ZER1: variants seen among roughly 807,000 people sequenced by gnomAD.
The protein encoded by ZER1 is zyg-11 related cell cycle regulator.
In ZER1, 11 loss-of-function variants were observed where a neutral mutation model predicts 78.8. That is an observed-to-expected ratio of 0.14 (90% confidence interval 0.09 to 0.23). The LOEUF (loss-of-function observed/expected upper bound fraction) is 0.23. Among genes scored for constraint, ZER1 ranks in the 10% least tolerant of loss-of-function variants. The probability of loss-of-function intolerance (pLI) is 1.00; values close to 1 mark genes in which losing one functional copy is unlikely to be tolerated. For synonymous variants in ZER1, 400 were observed against 407.0 expected, an observed-to-expected ratio of 0.98 and a Z score of 0.21; for missense variants, 588 against 996.9, an observed-to-expected ratio of 0.59 and a Z score of 5.52.
Position 128,752,863 on chromosome 9 carries a change from T to G in ZER1, c.747-14A>C, listed in dbSNP as rs1863725150. 9 of 1,610,846 alleles carry G rather than the reference T, an allele frequency of 5.6e-6. No homozygotes were observed. Among genetic ancestry groups the G allele is most frequent in the Non-Finnish European group, 7.6e-6 (9 of 1,178,290 alleles). ...ATGTCCAGGTGTCTGAAGATTGGGG[T>G]AGGGGGTGCAGGTTAGGAGCTGGGT... On this transcript the variant is annotated splice_polypyrimidine_tract_variant and intron_variant, in intron 4 of 15. Coordinates refer to ENST00000291900, the MANE Select transcript of ZER1 (RefSeq NM_006336.4).
intron 1 of ZER1, among the ~76,000 whole-genome samples, chr9:128,760,225 C>T (rs749978885): frequency 4.0e-5 from 6 of 151,566 alleles, no homozygotes; most frequent in Non-Finnish European, 5.9e-5. Flanking sequence ...TTTTTTGAGA[C>T]GGAGTCTTGT....
At chr9:128,765,177 G>A (rs971382475) in intron 1 of ZER1, among the ~76,000 whole-genome samples, 3 of 151,982 alleles carry the variant, frequency 2.0e-5, no homozygotes, top group Non-Finnish European at 4.4e-5. Flanking sequence ...GACAGAAGCT[G>A]TATGCTTGCT....
At chr9:128,734,479 G>A (rs1392186627) in intron 14 of ZER1, among the ~76,000 whole-genome samples, 1 of 151,478 alleles carries the variant, frequency 6.6e-6, no homozygotes, top group Admixed American at 6.6e-5. Flanking sequence ...TTACAGGCAT[G>A]AGCCACTGCA....
chr9:128,769,828 C>T (rs1221440831), intron 1 of ZER1, among the ~76,000 whole-genome samples: 2 of 152,156 alleles, frequency 1.3e-5, no homozygotes, highest in Non-Finnish European at 2.9e-5. Flanking sequence ...GACCATGATT[C>T]TTTGTATTTG....
At chr9:128,760,445 G>T (rs566926932) in intron 1 of ZER1, among the ~76,000 whole-genome samples, 1 of 151,036 alleles carries the variant, frequency 6.6e-6, no homozygotes, top group African/African-American at 2.4e-5. Context: ...CTTGTGATCC[G>T]CCTGCCTCGG....
chr9:128,740,125 A>G lies in ZER1; in HGVS notation c.1854-6T>C. ...CCTTGCTCTCCAACAGGTTGCTGCC[A>G]GGAGAAAGACAGAAAAATGGAGTCC... is the stretch of plus-strand genomic sequence containing the variant. On this transcript the variant is annotated splice_polypyrimidine_tract_variant and splice_region_variant and intron_variant, in intron 12 of 15. Transcript: ENST00000291900. This position sits in a 1 kb window ranked among gnomAD's most constrained non-coding sequence, Gnocchi z 4.4. 6.3e-7 allele frequency: 1 copy of G among 1,587,426 alleles called. No individual in the cohort carries two copies. The highest frequency in any genetic ancestry group is 8.6e-7 in the Non-Finnish European group (1 of 1,159,946).
At chr9:128,749,753 T>C (rs774803392) in intron 8 of ZER1, among the ~76,000 whole-genome samples, 2 of 143,416 alleles carry the variant, frequency 1.4e-5, no homozygotes, top group Non-Finnish European at 3.0e-5. Flanking sequence ...AAAAAAAAAT[T>C]TGTTGGCTGG....
intron 1 of ZER1, among the ~76,000 whole-genome samples, chr9:128,761,112 C>G (rs10988113): frequency 7.3e-6 from 1 of 136,726 alleles, no homozygotes; most frequent in Non-Finnish European, 1.6e-5. Flanking sequence ...GAGCCGAGAT[C>G]GCGCCACTGC....
At chr9:128,735,303 G>T in intron 14 of ZER1, 31 bp downstream of exon 14, 2 of 1,588,256 alleles carry the variant, frequency 1.3e-6, no homozygotes, top group Non-Finnish European at 1.7e-6. Flanking sequence ...AGCTGGATGA[G>T]TGTCTGAACC....
intron 13 of ZER1, 124 bp downstream of exon 13, chr9:128,739,807 G>T: frequency 8.1e-7 from 1 of 1,237,166 alleles, no homozygotes; most frequent in Non-Finnish European, 1.1e-6. Flanking sequence ...ATGAGTGAAA[G>T]CAGAACCCTA....
intron 1 of ZER1, among the ~76,000 whole-genome samples, chr9:128,764,201 C>A (rs1293994959): frequency 1.3e-5 from 2 of 152,092 alleles, no homozygotes; most frequent in Non-Finnish European, 2.9e-5. Context: ...CAATGTGGGG[C>A]CTGCCACAAG....
At chr9:128,747,932 T>C (rs1197551033) in intron 8 of ZER1, among the ~76,000 whole-genome samples, 2 of 152,148 alleles carry the variant, frequency 1.3e-5, no homozygotes, top group African/African-American at 4.8e-5. Context: ...GCATTAGATA[T>C]CTTTTGTAAT....
chr9:128,731,493 T>C (rs768968073), intron 15 of ZER1, 99 bp from the exon 16 acceptor site: 1 of 965,856 alleles, frequency 1.0e-6, no homozygotes, highest in South Asian at 1.5e-5. Context: ...CACGTGTTCA[T>C]AGTGATGGTG....
chr9:128,739,872 C>T lies in ZER1; in HGVS notation c.2042+59G>A, dbSNP rs549399668. On this transcript the variant is annotated intron_variant, in intron 13 of 15. Transcript: ENST00000291900. Reference sequence around the variant, plus strand: ...GAGCAGACCTTAATGGTATGAGCATCCTGCCCAGCACTTACCCCATATTCC... The same window carrying T: ...GAGCAGACCTTAATGGTATGAGCATTCTGCCCAGCACTTACCCCATATTCC... 99 of 1,554,486 alleles carry T rather than the reference C, an allele frequency of 6.4e-5. 1 individual carries two copies. The South Asian group carries it at 1.2e-3, about 18-fold the overall frequency.
intron 8 of ZER1, among the ~76,000 whole-genome samples, chr9:128,748,981 C>T (rs952987358): frequency 2.0e-5 from 3 of 147,746 alleles, no homozygotes; most frequent in African/African-American, 7.4e-5. Flanking sequence ...GCTGGGATTA[C>T]AGGCGTGAGC....
chr9:128,740,659 A>T lies in ZER1; in HGVS notation c.1853+113T>A. 1 of 634,676 alleles carries T rather than the reference A, an allele frequency of 1.6e-6. No individual in the cohort carries two copies. Among genetic ancestry groups the T allele is most frequent in the Non-Finnish European group, 2.9e-6 (1 of 347,374 alleles). The allele number at this position is 634,676 out of a possible 1,614,324, so 39.3% of individuals were successfully genotyped here. On this transcript the variant is annotated intron_variant, in intron 12 of 15. Coordinates refer to ENST00000291900, the MANE Select transcript of ZER1 (RefSeq NM_006336.4). This position sits in a 1 kb window ranked among gnomAD's most constrained non-coding sequence, Gnocchi z 4.4. ...AATAAGAAACCACATTATCGAGGGAAAATGACATTTATAGCAAACCTAGGC... is the reference window on the plus strand; with the variant it reads ...AATAAGAAACCACATTATCGAGGGATAATGACATTTATAGCAAACCTAGGC...
chr9:128,731,461 G>T, intron 15 of ZER1, 67 bp from the exon 16 acceptor site: 1 of 1,328,812 alleles, frequency 7.5e-7, no homozygotes, highest in South Asian at 1.2e-5. Context: ...GCCCCTCCGA[G>T]ATCATTAGGC....
At position 128,763,859 on chromosome 9, in the gene ZER1, C is replaced by T. The variant is rs557340774; in HGVS notation, c.-95+7722G>A. ...AAAAATAAGCTGGGCTGGTGGCGCA[C>T]GCCTGTAATCCCAGCTACTCGGGAG... is the stretch of plus-strand genomic sequence containing the variant. On this transcript the variant is annotated intron_variant, in intron 1 of 15. Transcript: ENST00000291900. Among the ~76,000 whole-genome samples the T allele has an allele frequency of 4.6e-5, 7 of 152,194 alleles. No individual in the cohort carries two copies. The East Asian group carries it at 5.8e-4, about 13-fold the overall frequency.
chr9:128,733,476 C>T lies in ZER1; in HGVS notation c.2193G>A (p.Arg731=), dbSNP rs748207567. 1 of 1,613,898 alleles carries T rather than the reference C, an allele frequency of 6.2e-7. No individual in the cohort carries two copies. Among genetic ancestry groups the T allele is most frequent in the East Asian group, 2.2e-5 (1 of 44,858 alleles). Residue 731 remains arginine, a synonymous_variant, in exon 15 of 16, where the codon AGG becomes AGA. Transcript: ENST00000291900. Reference sequence around the variant, plus strand: ...GTGCGGTCGCCATCTTAATTATGTCCCTCAGAAGGGGCATCCCCCCTTCTT... The same window carrying T: ...GTGCGGTCGCCATCTTAATTATGTCTCTCAGAAGGGGCATCCCCCCTTCTT... ...LIKEGGMPLL[R]DIIKMATARQ...
Sources: allele counts gnomAD v4.1 joint callset (sites outside exome capture counted in the v4.1 genomes callset), GRCh38; gene constraint gnomAD v4.1.1; non-coding constraint Gnocchi (gnomAD v3.1); transcripts MANE v1.5; gene names NCBI Gene and HGNC (gene_info 2026-07-23, HGNC 2026-07-21).